RIMBP2: variants seen among roughly 807,000 people sequenced by gnomAD.
RIMBP2 encodes the protein RIMS binding protein 2.
A neutral mutation model predicts 118.6 loss-of-function variants in RIMBP2; 48 were observed. That is an observed-to-expected ratio of 0.40 (90% CI 0.32 to 0.51). The LOEUF is 0.51. Ranked by LOEUF, RIMBP2 falls within the 20% of genes least tolerant of loss-of-function variation. RIMBP2 has a pLI of 0.41. For synonymous variants in RIMBP2, 762 were observed against 742.9 expected (o/e 1.03, Z -0.42); for missense variants, 1,551 against 1,768.3 (o/e 0.88, Z 2.20).
chr12:130,461,321 C>T lies in RIMBP2; in HGVS notation c.154-4621G>A, dbSNP rs148821836. Among the ~76,000 whole-genome samples the T allele has an allele frequency of 5.7e-3, 864 of 152,318 alleles. 7 individuals are homozygous for T. Among genetic ancestry groups the T allele is most frequent in the Middle Eastern group, 0.037 (11 of 294 alleles). Reference sequence around the variant, plus strand: ...CACCGTGTGGACACAGTCCTGCACGCAGACTGGCAGGGGTGCCAGCAGGGG... The same window carrying T: ...CACCGTGTGGACACAGTCCTGCACGTAGACTGGCAGGGGTGCCAGCAGGGG... On this transcript the variant is annotated intron_variant, in intron 6 of 22. Transcript: ENST00000690449.
intron 2 of RIMBP2, among the ~76,000 whole-genome samples, chr12:130,605,959 T>C (rs1307802577): frequency 1.3e-5 from 2 of 152,040 alleles, no homozygotes; most frequent in Non-Finnish European, 2.9e-5. Context: ...TCCCAGCTAC[T>C]TGGGAGGCTA....
chr12:130,479,079 T>G, intron 4 of RIMBP2, 63 bp from the exon 5 acceptor site: 3 of 1,318,690 alleles, frequency 2.3e-6, no homozygotes, highest in African/African-American at 1.5e-5. Flanking sequence ...GTGCATCCTA[T>G]ACCCTGCACC....
intron 1 of RIMBP2, among the ~76,000 whole-genome samples, chr12:130,654,260 G>A (rs1419035619): frequency 2.0e-5 from 3 of 152,172 alleles, no homozygotes; most frequent in East Asian, 1.9e-4. Context: ...ATTAGAAGCA[G>A]CCAGGTCCCA....
At chr12:130,421,576 G>A (rs933376762) in intron 17 of RIMBP2, among the ~76,000 whole-genome samples, 3 of 152,150 alleles carry the variant, frequency 2.0e-5, no homozygotes, top group African/African-American at 7.2e-5. Context: ...ATTCCAGGTG[G>A]CTTTTCAGTG....
intron 2 of RIMBP2, among the ~76,000 whole-genome samples, chr12:130,618,138 G>A (rs757978344): frequency 1.3e-5 from 2 of 151,528 alleles, no homozygotes; most frequent in Non-Finnish European, 2.9e-5. Flanking sequence ...CACTCCCCTA[G>A]ATGGCAGGTT....
intron 4 of RIMBP2, 110 bp downstream of exon 4, chr12:130,506,538 G>A (rs952922655): frequency 1.1e-5 from 8 of 760,596 alleles, no homozygotes; most frequent in African/African-American, 1.9e-5. Context: ...GTGGATGATG[G>A]CTTCCAAAGG....
chr12:130,515,128 G>A (rs1015361857), intron 3 of RIMBP2, among the ~76,000 whole-genome samples: 9 of 152,024 alleles, frequency 5.9e-5, no homozygotes, highest in East Asian at 5.8e-4. Context: ...CGCCCGCCTC[G>A]GCCTCCCAAA....
intron 1 of RIMBP2, among the ~76,000 whole-genome samples, chr12:130,640,406 C>A (rs1229416006): frequency 6.6e-6 from 1 of 152,180 alleles, no homozygotes; most frequent in Non-Finnish European, 1.5e-5. Context: ...CCAATTATTT[C>A]TTTATTTTCA....
intron 2 of RIMBP2, among the ~76,000 whole-genome samples, chr12:130,539,173 A>T (rs191522566): frequency 1.3e-5 from 2 of 152,274 alleles, no homozygotes; most frequent in African/African-American, 4.8e-5. Context: ...ATATACATAC[A>T]TATATATTTT....
At chr12:130,482,226 G>T (rs1180261027) in intron 4 of RIMBP2, among the ~76,000 whole-genome samples, 3 of 152,204 alleles carry the variant, frequency 2.0e-5, no homozygotes, top group African/African-American at 7.2e-5. Context: ...GGCCCTCCGT[G>T]TGGGGCTTCC....
Position 130,507,997 on chromosome 12 carries a change from GA to G in RIMBP2, c.-126-1228del, listed in dbSNP as rs1284556673. 4.3e-4 allele frequency among the ~76,000 whole-genome samples: 66 copies of G among 152,316 alleles called. 1 individual carries two copies. The highest frequency in any genetic ancestry group is 1.5e-3 in the African/African-American group (62 of 41,560). ...GGAAAGCTGTTATTAAGAGGTCGTA[GA>G]GAGGTCTCATTCGAAGGAATATTTT... On this transcript the variant is annotated intron_variant, in intron 3 of 22. Transcript: ENST00000690449.
chr12:130,667,039 G>GGCAGGGAGGGAGGGAGTGAAA (rs1176134259), intron 1 of RIMBP2, among the ~76,000 whole-genome samples: 20 of 133,682 alleles, frequency 1.5e-4, no homozygotes, highest in African/African-American at 5.7e-4. Flanking sequence ...AGAAGAGGGA[G>GGCAGGGAGGGAGGGAGTGAAA]GAAGGGAGGG....
At chr12:130,541,837 T>A (rs2054636435) in intron 2 of RIMBP2, among the ~76,000 whole-genome samples, 1 of 152,214 alleles carries the variant, frequency 6.6e-6, no homozygotes, top group South Asian at 2.1e-4. Context: ...AATATATGTT[T>A]GTTGAACACT....
intron 1 of RIMBP2, among the ~76,000 whole-genome samples, chr12:130,677,616 G>C (rs1442701261): frequency 1.3e-5 from 2 of 151,922 alleles, no homozygotes; most frequent in African/African-American, 4.8e-5. Flanking sequence ...AGACAGAGCG[G>C]AACACTGTCT....
intron 20 of RIMBP2, among the ~76,000 whole-genome samples, chr12:130,406,989 A>G (rs773210364): frequency 3.3e-5 from 5 of 152,158 alleles, no homozygotes; most frequent in Non-Finnish European, 5.9e-5. Context: ...TGCAGCCCCA[A>G]AGCAGGCGGT....
At chr12:130,521,549 T>G (rs2052120871) in intron 2 of RIMBP2, among the ~76,000 whole-genome samples, 1 of 152,196 alleles carries the variant, frequency 6.6e-6, no homozygotes, top group Non-Finnish European at 1.5e-5. Context: ...CACACCACAA[T>G]GTAACTGACA....
intron 2 of RIMBP2, among the ~76,000 whole-genome samples, chr12:130,577,578 G>A (rs1008953834): frequency 1.3e-5 from 2 of 152,106 alleles, no homozygotes; most frequent in Non-Finnish European, 1.5e-5. Context: ...AGAACAGCAT[G>A]GGGGAAACTG....
chr12:130,433,334 T>C (rs192335716), intron 14 of RIMBP2, among the ~76,000 whole-genome samples: 21 of 152,286 alleles, frequency 1.4e-4, no homozygotes, highest in Admixed American at 1.2e-3. Flanking sequence ...GCTACAGATA[T>C]GTCTACTCAC....
At chr12:130,671,684 C>A (rs1013342169) in intron 1 of RIMBP2, among the ~76,000 whole-genome samples, 2 of 152,148 alleles carry the variant, frequency 1.3e-5, no homozygotes, top group African/African-American at 4.8e-5. Flanking sequence ...CTGGCTTCTA[C>A]CAACCAGAGG....
Sources: gnomAD v4.1 joint callset for allele counts (sites outside exome capture counted in the v4.1 genomes callset) on GRCh38, gnomAD v4.1.1 for gene constraint, MANE v1.5 for transcripts, NCBI Gene and HGNC (gene_info 2026-07-23, HGNC 2026-07-21) for gene names.